The following DMD variants were observed in gnomAD, a reference collection of about 807,000 sequenced individuals.
DMD encodes the protein dystrophin, also known as mutant dystrophin.
In DMD, 63 loss-of-function variants were observed where a neutral mutation model predicts 330.1. The ratio of observed to expected loss-of-function variants is 0.19; its 90% CI spans 0.16 to 0.24. DMD has a LOEUF of 0.24. Among genes scored for constraint, DMD ranks in the 10% least tolerant of loss-of-function variants. DMD has a pLI of 1.00. For missense variants in DMD, 3,344 were observed against 2,684.1 expected, an observed-to-expected ratio of 1.25 and a Z score of -5.43; for synonymous variants, 1,223 against 959.8, an observed-to-expected ratio of 1.27 and a Z score of -5.07.
intron 43 of DMD, among the ~76,000 whole-genome samples, chrX:32,222,123 T>C (rs894269493): frequency 2.2e-4 from 25 of 112,083 alleles, no homozygotes; most frequent in African/African-American, 7.8e-4. Flanking sequence ...GATTTCCAGA[T>C]CAAATGTTAG....
chrX:32,758,275 G>A (rs1292187901), intron 7 of DMD, among the ~76,000 whole-genome samples: 3 of 111,535 alleles, frequency 2.7e-5, no homozygotes, highest in Non-Finnish European at 3.8e-5. Flanking sequence ...AGAGAGCAGT[G>A]GTGATACATT....
At chrX:31,683,806 T>G (rs1484769960) in intron 52 of DMD, among the ~76,000 whole-genome samples, 1 of 112,486 alleles carries the variant, frequency 8.9e-6, no homozygotes, top group Non-Finnish European at 1.9e-5. Context: ...TCAAATCTCA[T>G]AGATGTCACA....
chrX:31,819,967 A>G lies in DMD; in HGVS notation c.7309+8T>C, dbSNP rs751917131. On this transcript the variant is annotated splice_region_variant and intron_variant, in intron 50 of 78. Coordinates refer to ENST00000357033, the MANE Select transcript of DMD (RefSeq NM_004006.3). ...AGAGCCAAAGAGAATGGGATCCAGT[A>G]TACTTACAGGCTCCAATAGTGGTCA... is the stretch of plus-strand genomic sequence containing the variant. 3.3e-6 allele frequency: 4 copies of G among 1,194,532 alleles called. No individual in the cohort carries two copies. Among genetic ancestry groups the G allele is most frequent in the Non-Finnish European group, 4.5e-6 (4 of 880,734 alleles).
At chrX:32,280,017 GTACCCCACA>G (rs2097410242) in intron 43 of DMD, among the ~76,000 whole-genome samples, 1 of 71,511 alleles carries the variant, frequency 1.4e-5, no homozygotes, top group Non-Finnish European at 2.7e-5. Flanking sequence ...ATATATATAT[GTACCCCACA>G]TATATATATA....
At chrX:32,233,337 G>A (rs1440175844) in intron 43 of DMD, among the ~76,000 whole-genome samples, 1 of 110,771 alleles carries the variant, frequency 9.0e-6, no homozygotes, top group Non-Finnish European at 1.9e-5. Flanking sequence ...TGTTACTGGG[G>A]TGGGGAGCAT....
rs775966340 is a variant in DMD at position 31,761,027 on chromosome X, A to G, written c.7542+12933T>C. On this transcript the variant is annotated intron_variant, in intron 51 of 78. Coordinates refer to ENST00000357033, the MANE Select transcript of DMD (RefSeq NM_004006.3). ...TAGCCTCCCGAGTAGCTGGGACCAC[A>G]GGCACCCACCACCACGCCTGGCTAA... 3.0e-5 allele frequency among the ~76,000 whole-genome samples: 3 copies of G among 100,393 alleles called. No individual in the cohort carries two copies. The East Asian group carries it at 9.3e-4, about 31-fold the overall frequency. 87.2% of individuals were successfully genotyped at this position (100,393 alleles called of 115,157 possible).
chrX:32,430,586 C>G (rs1455085812), intron 29 of DMD, among the ~76,000 whole-genome samples: 1 of 111,770 alleles, frequency 8.9e-6, no homozygotes, highest in African/African-American at 3.2e-5. Context: ...AACATAAGGT[C>G]TATCCTCTTA....
intron 64 of DMD, among the ~76,000 whole-genome samples, chrX:31,215,087 G>A (rs1434908134): frequency 9.4e-6 from 1 of 106,039 alleles, no homozygotes; most frequent in East Asian, 2.9e-4. Context: ...GACTACAGTC[G>A]CTCGCCATCA....
chrX:32,579,038 A>T (rs1015154346), intron 13 of DMD, among the ~76,000 whole-genome samples: 1 of 110,965 alleles, frequency 9.0e-6, no homozygotes, highest in African/African-American at 3.3e-5. Flanking sequence ...TGGAAATCAC[A>T]TCAAAAACCA....
chrX:33,009,715 T>TATATACAC (rs1491299464), intron 2 of DMD, among the ~76,000 whole-genome samples: 10 of 61,807 alleles, frequency 1.6e-4, no homozygotes, highest in African/African-American at 7.4e-4. Flanking sequence ...CGTATATGTG[T>TATATACAC]ATATGTGTGT....
At chrX:32,028,321 A>T (rs969393290) in intron 44 of DMD, among the ~76,000 whole-genome samples, 1 of 111,029 alleles carries the variant, frequency 9.0e-6, no homozygotes, top group African/African-American at 3.3e-5. Flanking sequence ...GTATGAATGG[A>T]AGCAGTTGCA....
intron 3 of DMD, among the ~76,000 whole-genome samples, chrX:32,847,654 T>C (rs2080801013): frequency 8.9e-6 from 1 of 111,835 alleles, no homozygotes; most frequent in South Asian, 3.7e-4. Flanking sequence ...GGACAAACAA[T>C]GGTGAATGGA....
intron 38 of DMD, 37 bp downstream of exon 38, chrX:32,348,369 T>C (rs773223098): frequency 1.7e-6 from 2 of 1,182,589 alleles, no homozygotes; most frequent in Admixed American, 2.2e-5. Flanking sequence ...TTATTTCCAC[T>C]CCTAGTTCAT....
At chrX:32,511,093 T>A (rs374162955) in intron 18 of DMD, among the ~76,000 whole-genome samples, 36 of 110,535 alleles carry the variant, frequency 3.3e-4, no homozygotes, top group African/African-American at 1.1e-3. Flanking sequence ...GTCTTCATTT[T>A]CTTTTATATA....
intron 29 of DMD, among the ~76,000 whole-genome samples, chrX:32,413,050 C>G (rs1476489475): frequency 9.0e-6 from 1 of 110,709 alleles, no homozygotes; most frequent in Non-Finnish European, 1.9e-5. Context: ...CAGTACTTCT[C>G]CCTGTACCAT....
At chrX:32,756,003 A>T (rs1229704539) in intron 7 of DMD, among the ~76,000 whole-genome samples, 1 of 112,750 alleles carries the variant, frequency 8.9e-6, no homozygotes, top group African/African-American at 3.2e-5. Context: ...CAGTTGCAGT[A>T]ACTACAGAAA....
chrX:32,142,875 G>C (rs1208920221), intron 44 of DMD, among the ~76,000 whole-genome samples: 1 of 111,782 alleles, frequency 8.9e-6, no homozygotes, highest in Non-Finnish European at 1.9e-5. Context: ...CTGTCCATGG[G>C]ATCTAGTCAA....
intron 26 of DMD, among the ~76,000 whole-genome samples, chrX:32,449,197 T>A (rs138706748): frequency 0.014 from 1,546 of 110,840 alleles, 25 homozygotes; most frequent in African/African-American, 0.048. Context: ...GCTGCTGATA[T>A]CAGAAGCTGG....
chrX:31,758,971 A>G (rs952508990), intron 51 of DMD, among the ~76,000 whole-genome samples: 2 of 111,937 alleles, frequency 1.8e-5, no homozygotes, highest in Non-Finnish European at 3.8e-5. Context: ...TTAAATTCTG[A>G]TAACGAAAAT....
Sources: gnomAD v4.1 joint callset for allele counts (sites outside exome capture counted in the v4.1 genomes callset) on GRCh38, gnomAD v4.1.1 for gene constraint, MANE v1.5 for transcripts, NCBI Gene and HGNC (gene_info 2026-07-23, HGNC 2026-07-21) for gene names.